RUNX3: variants seen among roughly 807,000 people sequenced by gnomAD.
RUNX3 encodes RUNX family transcription factor 3, also known as runt-related transcription factor 3.
A neutral mutation model predicts 27.7 loss-of-function variants in RUNX3; 10 were observed. The ratio of observed to expected loss-of-function variants is 0.36; its 90% CI spans 0.22 to 0.61. The LOEUF (loss-of-function observed/expected upper bound fraction) is 0.61, where lower values mean the gene tolerates loss of function less well. Ranked by LOEUF, RUNX3 falls within the 20% of genes least tolerant of loss-of-function variation. RUNX3 has a pLI of 0.72. For missense variants in RUNX3, 469 were observed against 629.5 expected (o/e 0.75, Z 2.73); for synonymous variants, 270 against 269.2 (o/e 1.00, Z -0.03).
intron 2 of RUNX3, among the ~76,000 whole-genome samples, chr1:24,957,709 C>G (rs756378591): frequency 1.4e-4 from 22 of 152,304 alleles, no homozygotes; most frequent in Non-Finnish European, 2.6e-4. Context: ...TTGTCTGTGC[C>G]GGGCCCTGTG....
intron 2 of RUNX3, among the ~76,000 whole-genome samples, chr1:24,963,520 C>A (rs927824166): frequency 1.3e-5 from 2 of 152,192 alleles, no homozygotes; most frequent in Non-Finnish European, 2.9e-5. Flanking sequence ...CAGGCTCAGA[C>A]AATGAGAATT....
Position 24,902,084 on chromosome 1 carries a change from G to C in RUNX3, c.*38C>G, listed in dbSNP as rs1640564727. On this transcript the variant is annotated 3_prime_UTR_variant, in exon 5 of 5. Transcript: ENST00000308873. This position sits in a 1 kb window ranked among gnomAD's most constrained non-coding sequence, Gnocchi z 9.2. Reference sequence around the variant, plus strand: ...CCATCACTGGTCTTGAAGGTTGTTAGGGTCCCCGCCTCCAGCGGGAGGAGT... The same window carrying C: ...CCATCACTGGTCTTGAAGGTTGTTACGGTCCCCGCCTCCAGCGGGAGGAGT... The C allele has an allele frequency of 6.8e-7, 1 of 1,468,662 alleles. No homozygotes were observed. Among genetic ancestry groups the C allele is most frequent in the Admixed American group, 2.3e-5 (1 of 43,816 alleles). The allele number at this position is 1,468,662 out of a possible 1,614,324, so 91.0% of individuals were successfully genotyped here. A position where few individuals can be genotyped will look rare whatever the true frequency, so the allele number is the denominator to read the frequency against.
At chr1:24,960,124 G>A (rs1642066377) in intron 2 of RUNX3, among the ~76,000 whole-genome samples, 4 of 152,124 alleles carry the variant, frequency 2.6e-5, no homozygotes, top group Admixed American at 6.5e-5. Context: ...CCTTTGTCAC[G>A]CCCCAGGGCA....
At chr1:24,948,935 C>T (rs2124355898) in intron 2 of RUNX3, among the ~76,000 whole-genome samples, 1 of 151,990 alleles carries the variant, frequency 6.6e-6, no homozygotes, top group South Asian at 2.1e-4. Context: ...TTAATCGAAC[C>T]CACCTCCCTG....
chr1:24,912,498 T>A (rs1640815151), intron 3 of RUNX3, among the ~76,000 whole-genome samples: 1 of 152,090 alleles, frequency 6.6e-6, no homozygotes, highest in Middle Eastern at 3.4e-3. Context: ...GAAGCCCCCC[T>A]TCTCCCACAG....
At chr1:24,926,438 A>T (rs1431673738) in intron 2 of RUNX3, among the ~76,000 whole-genome samples, 1 of 152,282 alleles carries the variant, frequency 6.6e-6, no homozygotes, top group South Asian at 2.1e-4. Flanking sequence ...GAAAGAATGT[A>T]AACTATTTCA....
upstream of RUNX3, among the ~76,000 whole-genome samples, chr1:24,931,030 G>A (rs1391538251): frequency 6.6e-6 from 1 of 152,232 alleles, no homozygotes; most frequent in African/African-American, 2.4e-5. Flanking sequence ...TCTTCGTTGT[G>A]GCGGCCTGTG....
chr1:24,901,390 T>C lies in RUNX3; in HGVS notation c.*732A>G, dbSNP rs1640546986. 6.5e-6 allele frequency: 1 copy of C among 152,790 alleles called. No individual in the cohort carries two copies. Among genetic ancestry groups the C allele is most frequent in the African/African-American group, 2.4e-5 (1 of 41,390 alleles). The allele number at this position is 152,790 out of a possible 1,614,324, so 9.5% of individuals were successfully genotyped here. ...TAAAGTGCATGGAGGAGCCGGTCTG[T>C]AGGTGCTTTCCTGGGTTTAAGAACC... On this transcript the variant is annotated 3_prime_UTR_variant, in exon 5 of 5. Transcript: ENST00000308873.
intron 2 of RUNX3, among the ~76,000 whole-genome samples, chr1:24,944,490 G>T (rs926738812): frequency 1.3e-5 from 2 of 152,148 alleles, no homozygotes; most frequent in African/African-American, 4.8e-5. Flanking sequence ...CCCCAAACCT[G>T]TGGCTATGTT....
At position 24,930,146 on chromosome 1, in the gene RUNX3, C is replaced by T; in HGVS notation, c.-278G>A. ...GTGCGGCCGCCCCTCGTGGCTGTCC[C>T]GGCTGCCTGGGCCGCGGCGGGGCCC... On this transcript the variant is annotated 5_prime_UTR_variant, in exon 1 of 5. Coordinates refer to ENST00000308873, the MANE Select transcript of RUNX3 (RefSeq NM_004350.3). The surrounding 1 kb of genome is among the most constrained non-coding windows in gnomAD (Gnocchi z 4.1). The T allele has an allele frequency of 1.0e-6, 1 of 976,052 alleles. No homozygotes were observed. The highest frequency in any genetic ancestry group is 1.2e-6 in the Non-Finnish European group (1 of 826,266). 60.5% of individuals were successfully genotyped at this position (976,052 alleles called of 1,614,324 possible).
intron 3 of RUNX3, among the ~76,000 whole-genome samples, chr1:24,911,385 C>T (rs1017933419): frequency 3.9e-5 from 6 of 152,204 alleles, no homozygotes; most frequent in African/African-American, 1.4e-4. Context: ...CGGAAGAGGG[C>T]GGGGTTGACA....
At chr1:24,933,077 G>A (rs1378070625), upstream of RUNX3, among the ~76,000 whole-genome samples, 4 of 152,264 alleles carry the variant, frequency 2.6e-5, no homozygotes, top group East Asian at 3.9e-4. Flanking sequence ...TGAGGGTGCC[G>A]CCTTCCCAGG....
chr1:24,912,391 T>C (rs535616889), intron 3 of RUNX3, among the ~76,000 whole-genome samples: 1 of 152,286 alleles, frequency 6.6e-6, no homozygotes, highest in African/African-American at 2.4e-5. Context: ...TTCTTGAATA[T>C]TCTCTGCCCC....
intron 3 of RUNX3, among the ~76,000 whole-genome samples, chr1:24,909,600 C>A (rs867726495): frequency 1.3e-5 from 2 of 152,250 alleles, no homozygotes; most frequent in Non-Finnish European, 2.9e-5. Flanking sequence ...CGCTGCTCTC[C>A]CTCTTTCCTG....
rs1641173518 is a variant in RUNX3 at position 24,929,605 on chromosome 1, C to A, written c.264G>T (p.Thr88=). The A allele has an allele frequency of 1.2e-6, 2 of 1,607,910 alleles. No homozygotes were observed. Among genetic ancestry groups the A allele is most frequent in the Non-Finnish European group, 1.7e-6 (2 of 1,178,968 alleles). The part of the protein sequence containing the change: ...VLPSHWRCNK[T]LPVAFKVVAL... Reference sequence around the variant, plus strand: ...CACTCACCTTGAAGGCGACGGGCAGCGTCTTGTTGCAGCGCCAGTGCGAGG... The same window carrying A: ...CACTCACCTTGAAGGCGACGGGCAGAGTCTTGTTGCAGCGCCAGTGCGAGG... Residue 88 remains threonine, a synonymous_variant, in exon 1 of 5, where the codon ACG becomes ACT. Transcript: ENST00000308873.
chr1:24,953,185 T>C lies in RUNX3; in HGVS notation c.58+11329A>G, dbSNP rs369182076. Among the ~76,000 whole-genome samples the C allele has an allele frequency of 5.9e-5, 9 of 151,696 alleles. No individual in the cohort carries two copies. The East Asian group carries it at 1.6e-3, about 26-fold the overall frequency. On this transcript the variant is annotated intron_variant, in intron 2 of 6. Transcript: ENST00000338888. Reference sequence around the variant, plus strand: ...ATCGAGACCATCCTGGCTAACACAGTGAAACCCCGTCTCTACTAAAAATAC... The same window carrying C: ...ATCGAGACCATCCTGGCTAACACAGCGAAACCCCGTCTCTACTAAAAATAC...
chr1:24,911,959 C>T (rs560354353), intron 3 of RUNX3, among the ~76,000 whole-genome samples: 6 of 152,308 alleles, frequency 3.9e-5, no homozygotes, highest in South Asian at 2.1e-4. Context: ...TACTGTGGAA[C>T]GCTGGAGCCA....
chr1:24,903,345 CTG>C (rs1372636705), intron 4 of RUNX3, among the ~76,000 whole-genome samples: 1 of 152,216 alleles, frequency 6.6e-6, no homozygotes, highest in Admixed American at 6.5e-5. Flanking sequence ...CACCCTGGGC[CTG>C]TGTCTCTGGA....
At chr1:24,935,017 G>A (rs1032863222), upstream of RUNX3, among the ~76,000 whole-genome samples, 1 of 152,218 alleles carries the variant, frequency 6.6e-6, no homozygotes, top group Non-Finnish European at 1.5e-5. Context: ...TCTGCGAGGA[G>A]GCAGGACTGG....
Sources: gnomAD v4.1 joint callset for allele counts (sites outside exome capture counted in the v4.1 genomes callset) on GRCh38, gnomAD v4.1.1 for gene constraint, Gnocchi (gnomAD v3.1) non-coding constraint, MANE v1.5 for transcripts, NCBI Gene and HGNC (gene_info 2026-07-23, HGNC 2026-07-21) for gene names.